CCDC97: variants seen among roughly 807,000 people sequenced by gnomAD.
CCDC97 encodes the protein coiled-coil domain containing 97.
CCDC97 carries 27 observed loss-of-function variants against 33.9 expected under a neutral mutation model. The observed-to-expected ratio is 0.80, with a 90% CI of 0.59 to 1.10. The LOEUF (loss-of-function observed/expected upper bound fraction) is 1.10, where lower values mean the gene tolerates loss of function less well. Among genes scored for constraint, CCDC97 ranks in the 50% least tolerant of loss-of-function variants. CCDC97 has a pLI of 0.00. For missense variants in CCDC97, 422 were observed against 476.6 expected (o/e 0.89, Z 1.07); for synonymous variants, 217 against 194.0 (o/e 1.12, Z -0.99).
At chr19:41,310,432 C>T in intron 1 of CCDC97, 76 bp downstream of exon 1, 1 of 1,543,326 alleles carries the variant, frequency 6.5e-7, no homozygotes. Context: ...CCCAGGAACG[C>T]GAAGTAGGAC....
chr19:41,321,303 C>G (rs573794488), intron 4 of CCDC97, among the ~76,000 whole-genome samples: 5 of 152,320 alleles, frequency 3.3e-5, no homozygotes, highest in Non-Finnish European at 5.9e-5. Context: ...AGTTCCTGCA[C>G]GCAAAGTGGT....
At position 41,319,677 on chromosome 19, in the gene CCDC97, C is replaced by T; in HGVS notation, c.606C>T (p.Thr202=). The T allele has an allele frequency of 1.9e-6, 3 of 1,614,048 alleles. No homozygotes were observed. Among genetic ancestry groups the T allele is most frequent in the Non-Finnish European group, 2.5e-6 (3 of 1,179,936 alleles). ...CCCAGGAGGAGCTCAGTGCCCGCAC[C>T]CCAACCCACCAGCCCCCCAAGCCCG... ...YLTQEELSAR[T]PTHQPPKPGS... is the part of the protein sequence containing the mutation. Residue 202 remains threonine (T), a synonymous_variant, in exon 3 of 5, where the codon ACC becomes ACT. Transcript: ENST00000269967.
chr19:41,312,917 C>G (rs1391367585), intron 1 of CCDC97, among the ~76,000 whole-genome samples: 2 of 151,902 alleles, frequency 1.3e-5, no homozygotes, highest in Non-Finnish European at 2.9e-5. Flanking sequence ...GTACCTGGGA[C>G]TACAGGAGTG....
rs1282493118 is a variant in CCDC97, at chr19:41,324,148, G to C, written c.*1433G>C. Reference sequence around the variant, plus strand: ...AGCCAGACAGGGAAAGTGAGAGCTGGATGGAGGCAGACAAGATGCTCAGAG... The same window carrying C: ...AGCCAGACAGGGAAAGTGAGAGCTGCATGGAGGCAGACAAGATGCTCAGAG... On this transcript the variant is annotated 3_prime_UTR_variant, in exon 5 of 5. Coordinates refer to ENST00000269967, the MANE Select transcript of CCDC97 (RefSeq NM_052848.3). 1 of 152,286 alleles carries C rather than the reference G, an allele frequency of 6.6e-6. No individual in the cohort carries two copies. The highest frequency in any genetic ancestry group is 1.5e-5 in the Non-Finnish European group (1 of 68,106). 9.4% of individuals were successfully genotyped at this position (152,286 alleles called of 1,614,324 possible). A position where few individuals can be genotyped will look rare whatever the true frequency, so the allele number is the denominator to read the frequency against.
At position 41,324,529 on chromosome 19, in the gene CCDC97, C is replaced by G. The variant is rs2037862295; in HGVS notation, c.*1814C>G. On this transcript the variant is annotated 3_prime_UTR_variant, in exon 5 of 5. Coordinates refer to ENST00000269967, the MANE Select transcript of CCDC97 (RefSeq NM_052848.3). ...ATGGTAGGCGGGCCTAACAAGGGCT[C>G]CGTGCTAGCCACTGTCCCGCACACA... 6.6e-6 allele frequency: 1 copy of G among 152,232 alleles called. No individual in the cohort carries two copies. Among genetic ancestry groups the G allele is most frequent in the African/African-American group, 2.4e-5 (1 of 41,456 alleles). 9.4% of individuals were successfully genotyped at this position (152,232 alleles called of 1,614,324 possible). A position where few individuals can be genotyped will look rare whatever the true frequency, so the allele number is the denominator to read the frequency against.
Position 41,316,624 on chromosome 19 carries a change from T to C in CCDC97, c.287T>C (p.Leu96Pro). The C allele has an allele frequency of 1.2e-6, 2 of 1,614,236 alleles. No individual in the cohort carries two copies. Among genetic ancestry groups the C allele is most frequent in the South Asian group, 1.1e-5 (1 of 91,084 alleles). The change falls in exon 2 of 5, where the codon CTG becomes CCG. Residue 96 changes from leucine to proline, a missense_variant. Coordinates refer to ENST00000269967, the MANE Select transcript of CCDC97 (RefSeq NM_052848.3). The stretch of plus-strand genomic sequence containing the variant: ...ACAGAGCATGAGAAAGTGGCCATCC[T>C]GGCCCAGCTGTACCACGAGAAGCCA... ...DLTEHEKVAI[L>P]AQLYHEKPLV...
chr19:41,318,125 C>G (rs1365919784), intron 2 of CCDC97, among the ~76,000 whole-genome samples: 1 of 151,396 alleles, frequency 6.6e-6, no homozygotes, highest in Non-Finnish European at 1.5e-5. Flanking sequence ...GGGTGATAAT[C>G]CAAGTTGGGG....
intron 3 of CCDC97, among the ~76,000 whole-genome samples, 180 bp downstream of exon 3, chr19:41,320,032 A>C (rs1044699734): frequency 6.6e-6 from 1 of 151,140 alleles, no homozygotes; most frequent in Non-Finnish European, 1.5e-5. Flanking sequence ...CCCATCCCCC[A>C]CTCTGAGGCA....
intron 3 of CCDC97, among the ~76,000 whole-genome samples, 170 bp downstream of exon 3, chr19:41,320,022 C>G (rs557838760): frequency 6.6e-6 from 1 of 152,268 alleles, no homozygotes; most frequent in South Asian, 2.1e-4. Flanking sequence ...CTGCAGCATC[C>G]CCATCCCCCA....
rs1035349466 is a variant in CCDC97 at position 41,314,779 on chromosome 19, C to CA, written c.47-1604dup. Among the ~76,000 whole-genome samples, 42 of 152,130 alleles carry CA rather than the reference C, an allele frequency of 2.8e-4. 1 individual carries two copies. Among genetic ancestry groups the CA allele is most frequent in the African/African-American group, 9.9e-4 (41 of 41,508 alleles). ...CTTTGGAAGCCTGAGGCAGGAGGATCACTTGAGGCCAGGAGTTCAAGACCA... is the reference window on the plus strand; with the variant it reads ...CTTTGGAAGCCTGAGGCAGGAGGATCAACTTGAGGCCAGGAGTTCAAGACCA... On this transcript the variant is annotated intron_variant, in intron 1 of 4. Transcript: ENST00000269967.
At position 41,319,709 on chromosome 19, in the gene CCDC97, C is replaced by T; in HGVS notation, c.638C>T (p.Pro213Leu). The change falls in exon 3 of 5, where the codon CCC becomes CTC. Residue 213 changes from proline (P) to leucine (L), a missense_variant. By Grantham distance (98) the Pro-to-Leu change is moderately conservative (BLOSUM62 -3). Coordinates refer to ENST00000269967, the MANE Select transcript of CCDC97 (RefSeq NM_052848.3). The stretch of plus-strand genomic sequence containing the variant: ...CACCAGCCCCCCAAGCCCGGGTCCC[C>T]CGGGAGACCTGCTTGCCCGCTCTCC... ...PTHQPPKPGS[P>L]GRPACPLSNL... 1 of 1,613,978 alleles carries T rather than the reference C, an allele frequency of 6.2e-7. No homozygotes were observed. Among genetic ancestry groups the T allele is most frequent in the Non-Finnish European group, 8.5e-7 (1 of 1,179,884 alleles).
At position 41,319,717 on chromosome 19, in the gene CCDC97, CCTG is replaced by C; in HGVS notation, c.649_651del (p.Ala217del). 2 of 1,613,926 alleles carry C rather than the reference CCTG, an allele frequency of 1.2e-6. No homozygotes were observed. The highest frequency in any genetic ancestry group is 8.5e-7 in the Non-Finnish European group (1 of 1,179,852). ...CCCCAAGCCCGGGTCCCCCGGGAGA[CCTG>C]CTTGCCCGCTCTCCAACTTGCTGCT... is the stretch of plus-strand genomic sequence containing the variant. On this transcript the variant is annotated inframe_deletion, in exon 3 of 5. Transcript: ENST00000269967.
chr19:41,321,789 A>G (rs1046821520), intron 4 of CCDC97, among the ~76,000 whole-genome samples: 5 of 152,160 alleles, frequency 3.3e-5, no homozygotes, highest in African/African-American at 1.2e-4. Flanking sequence ...AGCAGTCGCA[A>G]GGGGTCGCAA....
At position 41,319,826 on chromosome 19, in the gene CCDC97, A is replaced by G; in HGVS notation, c.755A>G (p.Glu252Gly). 6.4e-7 allele frequency: 1 copy of G among 1,571,258 alleles called. No individual in the cohort carries two copies. Among genetic ancestry groups the G allele is most frequent in the African/African-American group, 1.3e-5 (1 of 74,204 alleles). ...GAGGAGGCCTGCTTGGAGGAAGAGG[A>G]AGAGGAGGAGGACAGTGACGAGGAA... ...EEEEACLEEE[E>G]EEEDSDEEDQ... The change falls in exon 3 of 5, where the codon GAA becomes GGA. Residue 252 changes from glutamate (E) to glycine (G), a missense_variant. Transcript: ENST00000269967.
chr19:41,314,674 T>C (rs1317666836), intron 1 of CCDC97, among the ~76,000 whole-genome samples: 1 of 152,222 alleles, frequency 6.6e-6, no homozygotes, highest in Non-Finnish European at 1.5e-5. Context: ...ATGTCACTTT[T>C]TTGGCAAAGC....
chr19:41,320,618 A>G (rs879040699), intron 4 of CCDC97, 148 bp downstream of exon 4: 1 of 1,000,270 alleles, frequency 1.0e-6, no homozygotes, highest in Non-Finnish European at 1.5e-6. Context: ...TGAACAGCCA[A>G]AGGAAGAGGC....
chr19:41,320,486 C>T lies in CCDC97; in HGVS notation c.911+16C>T, dbSNP rs771833588. On this transcript the variant is annotated intron_variant, in intron 4 of 4. Transcript: ENST00000269967. ...TTGACTACAGGTGCTCCTGTGCCTCCACCTCCCCATCCCCCAGCCCAGCAT... is the reference window on the plus strand; with the variant it reads ...TTGACTACAGGTGCTCCTGTGCCTCTACCTCCCCATCCCCCAGCCCAGCAT... The T allele has an allele frequency of 1.9e-6, 3 of 1,613,438 alleles. No individual in the cohort carries two copies. Among genetic ancestry groups the T allele is most frequent in the African/African-American group, 1.3e-5 (1 of 74,964 alleles).
intron 1 of CCDC97, among the ~76,000 whole-genome samples, chr19:41,315,661 A>G (rs913721699): frequency 1.3e-5 from 2 of 151,650 alleles, no homozygotes; most frequent in African/African-American, 2.4e-5. Flanking sequence ...ATGGTTGTGC[A>G]TGCCTGTAGT....
Position 41,318,975 on chromosome 19 carries a change from A to C in CCDC97, c.503-599A>C, listed in dbSNP as rs939741065. Among the ~76,000 whole-genome samples, 6 of 152,258 alleles carry C rather than the reference A, an allele frequency of 3.9e-5. No individual in the cohort carries two copies. The South Asian group carries it at 1.2e-3, about 32-fold the overall frequency. ...AAACAGGCACACAACCTAGAGACAC[A>C]CAACTTCTGCTGCATTGTCCTGCAT... On this transcript the variant is annotated intron_variant, in intron 2 of 4. Transcript: ENST00000269967.
Sources: allele counts gnomAD v4.1 joint callset (sites outside exome capture counted in the v4.1 genomes callset), GRCh38; gene constraint gnomAD v4.1.1; transcripts MANE v1.5; gene names NCBI Gene and HGNC (gene_info 2026-07-23, HGNC 2026-07-21).